Variants in ANKRD55 observed in about 807,000 individuals in gnomAD.
ANKRD55 encodes the protein ankyrin repeat domain 55.
In ANKRD55, 41 loss-of-function variants were observed where a neutral mutation model predicts 60.6. The observed-to-expected ratio is 0.68, with a 90% CI of 0.53 to 0.88. The LOEUF (loss-of-function observed/expected upper bound fraction) is 0.88, where lower values mean the gene tolerates loss of function less well. ANKRD55 is among the 40% of genes least tolerant of loss of function. The pLI, the probability that ANKRD55 is intolerant of heterozygous loss-of-function variation, is 0.00. For missense variants in ANKRD55, 732 were observed against 767.6 expected (o/e 0.95, Z 0.55); for synonymous variants, 264 against 290.3 (o/e 0.91, Z 0.92).
At chr5:56,137,820 A>G (rs1254877220) in intron 7 of ANKRD55, among the ~76,000 whole-genome samples, 3 of 152,226 alleles carry the variant, frequency 2.0e-5, no homozygotes, top group Non-Finnish European at 2.9e-5. Flanking sequence ...GAACTCCTAA[A>G]ACTCAACAGT....
At chr5:56,225,564 T>C (rs1394045169) in intron 2 of ANKRD55, among the ~76,000 whole-genome samples, 1 of 152,226 alleles carries the variant, frequency 6.6e-6, no homozygotes, top group Non-Finnish European at 1.5e-5. Flanking sequence ...GCAGATGACA[T>C]GATTGTATAT....
At chr5:56,133,976 A>G (rs1325069943) in intron 7 of ANKRD55, among the ~76,000 whole-genome samples, 2 of 114,394 alleles carry the variant, frequency 1.7e-5, no homozygotes, top group Non-Finnish European at 2.1e-5. Flanking sequence ...TGAAGTAGAA[A>G]ACAGAAAATC....
At chr5:56,216,791 G>A (rs1759822749) in intron 2 of ANKRD55, among the ~76,000 whole-genome samples, 1 of 152,208 alleles carries the variant, frequency 6.6e-6, no homozygotes, top group Non-Finnish European at 1.5e-5. Flanking sequence ...AGCTAGCAAA[G>A]GTTGTTTCAT....
rs71602938 is a variant in ANKRD55 at position 56,106,420 on chromosome 5, C to CTTTTTTTTTTTTTT, written c.1631-3848_1631-3835dup. Among the ~76,000 whole-genome samples, 70 of 96,916 alleles carry CTTTTTTTTTTTTTT rather than the reference C, an allele frequency of 7.2e-4. 11 individuals carry two copies. The highest frequency in any genetic ancestry group is 3.3e-3 in the African/African-American group (57 of 17,136). 63.6% of individuals were successfully genotyped at this position (96,916 alleles called of 152,430 possible). On this transcript the variant is annotated intron_variant, in intron 10 of 11. Coordinates refer to ENST00000341048, the MANE Select transcript of ANKRD55 (RefSeq NM_024669.3). The stretch of plus-strand genomic sequence containing the variant: ...AATAAAATCCGTAAGGCTAGGAAAG[C>CTTTTTTTTTTTTTT]TTTTTTTTTTTTTTTTTTTTTTTGA...
chr5:56,141,137 T>TG (rs1554039032), intron 7 of ANKRD55, among the ~76,000 whole-genome samples: 6 of 149,014 alleles, frequency 4.0e-5, no homozygotes, highest in African/African-American at 7.4e-5. Context: ...ACAGTTTTTT[T>TG]TTTTTTTTTT....
chr5:56,137,220 C>T (rs770494843), intron 7 of ANKRD55: 15 of 1,608,988 alleles, frequency 9.3e-6, no homozygotes, highest in South Asian at 5.5e-5. Flanking sequence ...GACACAAGGT[C>T]GGTGGCCCAA....
At chr5:56,216,162 T>G (rs1759801512) in intron 2 of ANKRD55, among the ~76,000 whole-genome samples, 1 of 152,062 alleles carries the variant, frequency 6.6e-6, no homozygotes, top group African/African-American at 2.4e-5. Flanking sequence ...CTATATAATA[T>G]ATATTATTAT....
At chr5:56,110,972 C>A in intron 10 of ANKRD55, 146 bp downstream of exon 10, 3 of 913,232 alleles carry the variant, frequency 3.3e-6, no homozygotes, top group Non-Finnish European at 4.9e-6. Flanking sequence ...ATCCAGTGCA[C>A]TTTGGGAGAA....
intron 8 of ANKRD55, among the ~76,000 whole-genome samples, chr5:56,121,327 T>TG (rs1442673829): frequency 1.3e-5 from 2 of 151,748 alleles, no homozygotes; most frequent in Non-Finnish European, 2.9e-5. Flanking sequence ...TTTAAAACTC[T>TG]GGGCTGTAAA....
intron 6 of ANKRD55, among the ~76,000 whole-genome samples, chr5:56,155,215 T>C (rs1455048903): frequency 1.1e-5 from 1 of 89,628 alleles, no homozygotes; most frequent in Non-Finnish European, 2.4e-5. Flanking sequence ...AGAGTGAGAC[T>C]GTCTTAAAAA....
At position 56,218,245 on chromosome 5, in the gene ANKRD55, G is replaced by T. The variant is rs369180593; in HGVS notation, c.58+14611C>A. ...ACATAAATTTAGTTGATAAAGTAGT[G>T]GTAGGGTTGGAGAGAATTGACTCCA... On this transcript the variant is annotated intron_variant, in intron 2 of 11. Transcript: ENST00000341048. Among the ~76,000 whole-genome samples, 7 of 152,164 alleles carry T rather than the reference G, an allele frequency of 4.6e-5. No homozygotes were observed. In the East Asian group the frequency reaches 7.7e-4, roughly 17 times the overall value.
intron 4 of ANKRD55, among the ~76,000 whole-genome samples, chr5:56,173,408 G>GTT (rs1758651811): frequency 6.6e-6 from 1 of 151,494 alleles, no homozygotes; most frequent in Non-Finnish European, 1.5e-5. Context: ...ATGTTGCCCA[G>GTT]GCTGGTCAGG....
At chr5:56,199,929 G>A (rs1439982420) in intron 2 of ANKRD55, among the ~76,000 whole-genome samples, 1 of 151,636 alleles carries the variant, frequency 6.6e-6, no homozygotes, top group Non-Finnish European at 1.5e-5. Flanking sequence ...AGGATCACTT[G>A]AGACCAGTAG....
At chr5:56,232,503 G>A (rs1018791580) in intron 2 of ANKRD55, among the ~76,000 whole-genome samples, 2 of 152,068 alleles carry the variant, frequency 1.3e-5, no homozygotes, top group Non-Finnish European at 2.9e-5. Context: ...AAAAGATTTG[G>A]AAAAAACAGA....
chr5:56,103,291 T>G (rs1438409146), intron 10 of ANKRD55, among the ~76,000 whole-genome samples: 1 of 152,250 alleles, frequency 6.6e-6, no homozygotes, highest in Non-Finnish European at 1.5e-5. Flanking sequence ...GACATCACAC[T>G]AGTGTCTTGA....
intron 8 of ANKRD55, among the ~76,000 whole-genome samples, chr5:56,121,573 A>G (rs1390025138): frequency 6.6e-6 from 1 of 151,880 alleles, no homozygotes; most frequent in Non-Finnish European, 1.5e-5. Context: ...AGGTTTCACC[A>G]TGTTGGCCAG....
chr5:56,109,038 A>AACACACACACACAC (rs60023559), intron 10 of ANKRD55, among the ~76,000 whole-genome samples: 4 of 143,968 alleles, frequency 2.8e-5, no homozygotes, highest in South Asian at 2.2e-4. Flanking sequence ...TCTGTCTCAA[A>AACACACACACACAC]ACACACACAC....
intron 4 of ANKRD55, among the ~76,000 whole-genome samples, chr5:56,173,578 C>CTATATATATA (rs1211689978): frequency 4.2e-5 from 3 of 71,662 alleles, no homozygotes; most frequent in African/African-American, 6.0e-5. Context: ...CTCTCTCTCT[C>CTATATATATA]TCTCTATATA....
In ANKRD55 at chr5:56,111,408, A is replaced by G; in HGVS notation, c.1340T>C (p.Leu447Pro). 1 of 1,614,136 alleles carries G rather than the reference A, an allele frequency of 6.2e-7. No homozygotes were observed. Among genetic ancestry groups the G allele is most frequent in the Non-Finnish European group, 8.5e-7 (1 of 1,180,018 alleles). The change falls in exon 10 of 12, where the codon CTA (leucine) becomes CCA (proline). Residue 447 changes from leucine to proline, a missense_variant. Coordinates refer to ENST00000341048, the MANE Select transcript of ANKRD55 (RefSeq NM_024669.3). ...GGAAGTGGCCCTATGGGAGGCTGTT[A>G]GGAAGTTATTGCCCAGGGTGATGGG... ...LPPITLGNNF[L>P]TASHRATSHA...
Sources: allele counts gnomAD v4.1 joint callset (sites outside exome capture counted in the v4.1 genomes callset), GRCh38; gene constraint gnomAD v4.1.1; transcripts MANE v1.5; gene names NCBI Gene and HGNC (gene_info 2026-07-23, HGNC 2026-07-21).